NWD2: variants seen among roughly 807,000 people sequenced by gnomAD.
NWD2 encodes NACHT and WD repeat domain containing 2, also known as NACHT and WD repeat domain-containing protein 2.
Under a neutral mutation model 132.7 loss-of-function variants are expected in NWD2, and 37 were observed. That is an observed-to-expected ratio of 0.28 (90% CI 0.21 to 0.37). The LOEUF (loss-of-function observed/expected upper bound fraction) is 0.37, where lower values mean the gene tolerates loss of function less well. Ranked by LOEUF, NWD2 falls within the 10% of genes least tolerant of loss-of-function variation. The pLI is 1.00. For synonymous variants in NWD2, 705 were observed against 803.0 expected, an observed-to-expected ratio of 0.88 and a Z score of 2.06; for missense variants, 1,592 against 2,122.4, an observed-to-expected ratio of 0.75 and a Z score of 4.91.
intron 3 of NWD2, among the ~76,000 whole-genome samples, chr4:37,426,020 T>C (rs1220986589): frequency 6.6e-6 from 1 of 152,186 alleles, no homozygotes; most frequent in Non-Finnish European, 1.5e-5. Context: ...ATTGACCGTA[T>C]GAGCTGGACT....
rs989953855 is a variant in NWD2, at chr4:37,311,729, C to G, written c.152-14207C>G. 1.7e-4 allele frequency among the ~76,000 whole-genome samples: 25 copies of G among 148,786 alleles called. 1 individual carries two copies. The highest frequency in any genetic ancestry group is 9.8e-4 in the Admixed American group (15 of 15,232). On this transcript the variant is annotated intron_variant, in intron 1 of 6. Transcript: ENST00000309447. ...ATGCCTATGTCCGGAATGGTAATGC[C>G]TAGGTTTTCTTCTAGGGTTTTTATG... is the stretch of plus-strand genomic sequence containing the variant.
At chr4:37,388,690 A>G (rs1393901718) in intron 3 of NWD2, among the ~76,000 whole-genome samples, 2 of 147,562 alleles carry the variant, frequency 1.4e-5, no homozygotes, top group East Asian at 1.9e-4. Flanking sequence ...CGTATATATC[A>G]TATATAAATA....
At chr4:37,302,930 C>T (rs1287907125) in intron 1 of NWD2, among the ~76,000 whole-genome samples, 1 of 152,060 alleles carries the variant, frequency 6.6e-6, no homozygotes, top group African/African-American at 2.4e-5. Flanking sequence ...TTGATTTATT[C>T]TTGTGCTGTG....
At chr4:37,276,664 CT>C (rs1268208978) in intron 1 of NWD2, among the ~76,000 whole-genome samples, 2 of 152,164 alleles carry the variant, frequency 1.3e-5, no homozygotes, top group African/African-American at 2.4e-5. Context: ...ATAAATCATG[CT>C]GCTATAAAGA....
At chr4:37,352,758 A>T (rs1719796019) in intron 2 of NWD2, among the ~76,000 whole-genome samples, 1 of 152,174 alleles carries the variant, frequency 6.6e-6, no homozygotes, top group Admixed American at 6.5e-5. Flanking sequence ...TTTGCACATG[A>T]GATGGGTCTC....
At chr4:37,323,857 C>CAA (rs33925291) in intron 1 of NWD2, among the ~76,000 whole-genome samples, 10,146 of 146,696 alleles carry the variant, frequency 0.069, 598 homozygotes, top group African/African-American at 0.15. Context: ...ACTACACAGC[C>CAA]AAAAAAAAAA....
intron 1 of NWD2, among the ~76,000 whole-genome samples, chr4:37,284,921 C>T (rs776920134): frequency 3.9e-5 from 6 of 152,158 alleles, no homozygotes; most frequent in Non-Finnish European, 8.8e-5. Flanking sequence ...ACTTGGCCTA[C>T]CTGCCTTCAG....
At position 37,355,348 on chromosome 4, in the gene NWD2, A is replaced by G. The variant is rs75678598; in HGVS notation, c.241-1018A>G. 8.3e-3 allele frequency among the ~76,000 whole-genome samples: 1,257 copies of G among 152,320 alleles called. 5 individuals are homozygous for G. Among genetic ancestry groups the G allele is most frequent in the Non-Finnish European group, 0.013 (870 of 68,016 alleles). On this transcript the variant is annotated intron_variant, in intron 2 of 6. Transcript: ENST00000309447. Reference sequence around the variant, plus strand: ...TTTAAAGAGCTGTCATTTATTTATCAGCCTTCTAAAACACTCAAATGCACT... The same window carrying G: ...TTTAAAGAGCTGTCATTTATTTATCGGCCTTCTAAAACACTCAAATGCACT...
At chr4:37,289,395 A>G (rs573100122) in intron 1 of NWD2, among the ~76,000 whole-genome samples, 8 of 152,346 alleles carry the variant, frequency 5.3e-5, no homozygotes, top group Admixed American at 2.0e-4. Context: ...GCAACATTTT[A>G]TGATAAAAAC....
intron 3 of NWD2, among the ~76,000 whole-genome samples, chr4:37,413,535 A>C (rs1208888112): frequency 6.6e-6 from 1 of 152,252 alleles, no homozygotes; most frequent in Non-Finnish European, 1.5e-5. Context: ...AGTGTAAATT[A>C]GTTCAATCAT....
intron 3 of NWD2, among the ~76,000 whole-genome samples, chr4:37,405,737 C>A (rs377564513): frequency 2.6e-5 from 4 of 152,132 alleles, no homozygotes; most frequent in South Asian, 4.1e-4. Flanking sequence ...GTCTAAGGGA[C>A]GCATTTTTAT....
chr4:37,277,836 T>G (rs1197670947), intron 1 of NWD2, among the ~76,000 whole-genome samples: 1 of 152,162 alleles, frequency 6.6e-6, no homozygotes, highest in Non-Finnish European at 1.5e-5. Context: ...AGTTCTGTAT[T>G]TTTATATTTT....
At position 37,308,649 on chromosome 4, in the gene NWD2, T is replaced by C. The variant is rs566607873; in HGVS notation, c.152-17287T>C. Among the ~76,000 whole-genome samples the C allele has an allele frequency of 7.2e-5, 11 of 152,270 alleles. No homozygotes were observed. In the East Asian group the frequency reaches 1.5e-3, roughly 21 times the overall value. Reference sequence around the variant, plus strand: ...AGTCCCTGGGCAGCAGGGTAGTTCTTAGGCCCCTTGGGAGGGGACATGCAG... The same window carrying C: ...AGTCCCTGGGCAGCAGGGTAGTTCTCAGGCCCCTTGGGAGGGGACATGCAG... On this transcript the variant is annotated intron_variant, in intron 1 of 6. Coordinates refer to ENST00000309447, the MANE Select transcript of NWD2 (RefSeq NM_001144990.2).
intron 1 of NWD2, among the ~76,000 whole-genome samples, chr4:37,258,849 A>G (rs1717572341): frequency 6.6e-6 from 1 of 152,098 alleles, no homozygotes; most frequent in Non-Finnish European, 1.5e-5. Context: ...TTCCCTTACC[A>G]TTTTTCTTTT....
intron 1 of NWD2, among the ~76,000 whole-genome samples, chr4:37,254,671 A>G (rs1717475489): frequency 6.6e-6 from 1 of 152,222 alleles, no homozygotes. Flanking sequence ...TTCATTCTGC[A>G]CATTAAAGTG....
intron 1 of NWD2, among the ~76,000 whole-genome samples, chr4:37,271,189 C>A (rs1286201682): frequency 6.6e-6 from 1 of 151,808 alleles, no homozygotes; most frequent in Non-Finnish European, 1.5e-5. Flanking sequence ...TCCATCCACT[C>A]TATTTTTTCC....
At position 37,443,239 on chromosome 4, in the gene NWD2, C is replaced by G. The variant is rs1273490741; in HGVS notation, c.1297-46C>G. Reference sequence around the variant, plus strand: ...GAGAGGCAATGTTATCACATATGACCATGTGAATACATATTACCATTCTAA... The same window carrying G: ...GAGAGGCAATGTTATCACATATGACGATGTGAATACATATTACCATTCTAA... On this transcript the variant is annotated intron_variant, in intron 6 of 6. Transcript: ENST00000309447. This position sits in a 1 kb window ranked among gnomAD's most constrained non-coding sequence, Gnocchi z 4.1. 15 of 1,399,990 alleles carry G rather than the reference C, an allele frequency of 1.1e-5. No homozygotes were observed. Among genetic ancestry groups the G allele is most frequent in the Non-Finnish European group, 1.5e-5 (15 of 1,022,026 alleles). The allele number at this position is 1,399,990 out of a possible 1,614,324, so 86.7% of individuals were successfully genotyped here. A position where few individuals can be genotyped will look rare whatever the true frequency, so the allele number is the denominator to read the frequency against.
intron 1 of NWD2, among the ~76,000 whole-genome samples, chr4:37,252,446 G>T (rs1717396282): frequency 6.6e-6 from 1 of 152,146 alleles, no homozygotes; most frequent in African/African-American, 2.4e-5. Context: ...GTGTGTGAAG[G>T]TTTCTATTTT....
intron 1 of NWD2, among the ~76,000 whole-genome samples, chr4:37,296,745 A>G (rs1718503584): frequency 6.6e-6 from 1 of 152,164 alleles, no homozygotes. Flanking sequence ...TACAATGTAT[A>G]CTACTTGGGT....
Sources: gnomAD v4.1 joint callset for allele counts (sites outside exome capture counted in the v4.1 genomes callset) on GRCh38, gnomAD v4.1.1 for gene constraint, Gnocchi (gnomAD v3.1) non-coding constraint, MANE v1.5 for transcripts, NCBI Gene and HGNC (gene_info 2026-07-23, HGNC 2026-07-21) for gene names.